Variants in ANO10 observed in about 807,000 individuals in gnomAD.
The protein encoded by ANO10 is anoctamin-10.
A neutral mutation model predicts 74.7 loss-of-function variants in ANO10; 77 were observed. That is an observed-to-expected ratio of 1.03 (90% confidence interval 0.86 to 1.25). The LOEUF is 1.25. Among genes scored for constraint, ANO10 ranks in the 50% most tolerant of loss-of-function variants. The pLI, the probability that ANO10 is intolerant of heterozygous loss-of-function variation, is 0.00. For synonymous variants in ANO10, 279 were observed against 284.9 expected (o/e 0.98, Z 0.21); for missense variants, 721 against 778.1 (o/e 0.93, Z 0.87).
chr3:43,462,846 C>T (rs938539168), intron 11 of ANO10, among the ~76,000 whole-genome samples: 1 of 152,196 alleles, frequency 6.6e-6, no homozygotes, highest in African/African-American at 2.4e-5. Context: ...CCAGCCACTC[C>T]AGCCGTGGCT....
chr3:43,630,219 T>C (rs1575570776), intron 1 of ANO10, among the ~76,000 whole-genome samples: 2 of 152,332 alleles, frequency 1.3e-5, no homozygotes, highest in South Asian at 4.1e-4. Context: ...ATATTTGTCC[T>C]ATCAATTATT....
intron 1 of ANO10, among the ~76,000 whole-genome samples, chr3:43,629,312 A>C (rs868519934): frequency 6.6e-6 from 1 of 152,200 alleles, no homozygotes; most frequent in Non-Finnish European, 1.5e-5. Context: ...TTTTGTTGAA[A>C]TTCTTTACCT....
chr3:43,561,474 T>C (rs2080035252), intron 8 of ANO10, 72 bp from the exon 9 acceptor site: 1 of 1,345,038 alleles, frequency 7.4e-7, no homozygotes, highest in Non-Finnish European at 1.0e-6. Flanking sequence ...ATAAATTATA[T>C]ATAAATTAAA....
intron 12 of ANO10, among the ~76,000 whole-genome samples, chr3:43,376,679 A>G (rs1485321311): frequency 6.6e-6 from 1 of 152,200 alleles, no homozygotes; most frequent in East Asian, 1.9e-4. Context: ...GGAAATTTTC[A>G]TATTTTTGCA....
chr3:43,586,222 G>A (rs774460430), intron 4 of ANO10, among the ~76,000 whole-genome samples: 7 of 152,214 alleles, frequency 4.6e-5, no homozygotes, highest in Non-Finnish European at 8.8e-5. Flanking sequence ...CCAGGTTGGA[G>A]GAAGAAGAGC....
At chr3:43,617,876 C>T (rs1426099153) in intron 1 of ANO10, 3 of 152,142 alleles carry the variant, frequency 2.0e-5, no homozygotes, top group Non-Finnish European at 2.9e-5. Context: ...GGAAACACTT[C>T]AGTAAGAGAA....
intron 11 of ANO10, among the ~76,000 whole-genome samples, chr3:43,472,072 A>C (rs1170025286): frequency 1.3e-5 from 2 of 152,240 alleles, no homozygotes; most frequent in Non-Finnish European, 2.9e-5. Flanking sequence ...AAAGGAACAA[A>C]CTATTGATAA....
intron 1 of ANO10, among the ~76,000 whole-genome samples, chr3:43,655,308 C>T (rs945317650): frequency 3.9e-5 from 6 of 152,000 alleles, no homozygotes; most frequent in African/African-American, 4.8e-5. Flanking sequence ...TTCTGATGTT[C>T]GGATGTGTTT....
chr3:43,450,410 G>T (rs764909939), intron 11 of ANO10, among the ~76,000 whole-genome samples: 1 of 151,964 alleles, frequency 6.6e-6, no homozygotes, highest in Non-Finnish European at 1.5e-5. Context: ...GCATGGTGGC[G>T]GACACCTGTA....
chr3:43,384,464 T>C (rs2092059634), intron 12 of ANO10, among the ~76,000 whole-genome samples: 1 of 152,198 alleles, frequency 6.6e-6, no homozygotes, highest in Non-Finnish European at 1.5e-5. Flanking sequence ...AGAGCCTGCA[T>C]AGCCAAAGCA....
chr3:43,667,971 G>A (rs1185238485), intron 1 of ANO10, among the ~76,000 whole-genome samples: 7 of 152,126 alleles, frequency 4.6e-5, no homozygotes, highest in Non-Finnish European at 1.0e-4. Context: ...GGGATTGCTA[G>A]ATCAAAAGGT....
At chr3:43,652,800 AATT>A (rs1307044304) in intron 1 of ANO10, 1 of 151,988 alleles carries the variant, frequency 6.6e-6, no homozygotes. Context: ...CTTGATTATA[AATT>A]ATTTTTATAA....
chr3:43,541,797 T>C (rs1411194893), intron 11 of ANO10, among the ~76,000 whole-genome samples: 3 of 152,208 alleles, frequency 2.0e-5, no homozygotes, highest in African/African-American at 4.8e-5. Flanking sequence ...GATCTGGTAA[T>C]GGAGCCACGT....
chr3:43,524,104 A>C (rs915346185), intron 11 of ANO10, among the ~76,000 whole-genome samples: 1 of 152,206 alleles, frequency 6.6e-6, no homozygotes, highest in Non-Finnish European at 1.5e-5. Context: ...GAGTTTAACC[A>C]ATGATTGAAT....
chr3:43,516,820 G>C (rs538764598), intron 11 of ANO10, among the ~76,000 whole-genome samples: 2 of 152,298 alleles, frequency 1.3e-5, no homozygotes, highest in South Asian at 4.1e-4. Flanking sequence ...TTCAACGTGA[G>C]TAACATGAAA....
At chr3:43,450,973 T>C (rs761488246) in intron 11 of ANO10, among the ~76,000 whole-genome samples, 2 of 152,214 alleles carry the variant, frequency 1.3e-5, no homozygotes, top group Non-Finnish European at 2.9e-5. Context: ...AATACAGCAC[T>C]GATACCTTAC....
At position 43,577,252 on chromosome 3, in the gene ANO10, C is replaced by G; in HGVS notation, c.602G>C (p.Arg201Pro). The G allele has an allele frequency of 6.2e-7, 1 of 1,613,836 alleles. No homozygotes were observed. The highest frequency in any genetic ancestry group is 8.5e-7 in the Non-Finnish European group (1 of 1,179,888). The change falls in exon 6 of 13, where the codon CGT becomes CCT. Residue 201 changes from arginine (R) to proline (P), a missense_variant. By Grantham distance (103) the Arg-to-Pro change is moderately radical (BLOSUM62 -2). Coordinates refer to ENST00000292246, the MANE Select transcript of ANO10 (RefSeq NM_018075.5). ...AGCAATTGTTTCCCCAAAGTAGCCA[C>G]GAATACTGTCTATAGTGGAAACAAA... ...ALKYQPIDSI[R>P]GYFGETIALY...
At chr3:43,416,107 G>A (rs969289261) in intron 12 of ANO10, among the ~76,000 whole-genome samples, 1 of 151,938 alleles carries the variant, frequency 6.6e-6, no homozygotes, top group Non-Finnish European at 1.5e-5. Flanking sequence ...GGTTGGAGCT[G>A]TATCTTCCAG....
At chr3:43,507,092 T>A (rs2077323886) in intron 11 of ANO10, among the ~76,000 whole-genome samples, 1 of 152,220 alleles carries the variant, frequency 6.6e-6, no homozygotes, top group Admixed American at 6.5e-5. Flanking sequence ...CTAGAAGTCC[T>A]GTCAGTTTCA....
Sources: gnomAD v4.1 joint callset for allele counts (sites outside exome capture counted in the v4.1 genomes callset) on GRCh38, gnomAD v4.1.1 for gene constraint, MANE v1.5 for transcripts, NCBI Gene and HGNC (gene_info 2026-07-23, HGNC 2026-07-21) for gene names.